The following ANKRD13C variants were observed in gnomAD, a reference collection of about 807,000 sequenced individuals.
ANKRD13C encodes ankyrin repeat domain-containing protein 13C.
In ANKRD13C, 16 loss-of-function variants were observed where a neutral mutation model predicts 65.5. The ratio of observed to expected loss-of-function variants is 0.24; its 90% CI spans 0.17 to 0.37. The LOEUF (loss-of-function observed/expected upper bound fraction) is 0.37, where lower values mean the gene tolerates loss of function less well. Ranked by LOEUF, ANKRD13C falls within the 10% of genes least tolerant of loss-of-function variation. ANKRD13C has a pLI of 1.00. For synonymous variants in ANKRD13C, 235 were observed against 238.7 expected, an observed-to-expected ratio of 0.98 and a Z score of 0.14; for missense variants, 503 against 655.9, an observed-to-expected ratio of 0.77 and a Z score of 2.55.
At position 70,293,036 on chromosome 1, in the gene ANKRD13C, C is replaced by A. The variant is rs1299786214; in HGVS notation, c.1054-487G>T. The stretch of plus-strand genomic sequence containing the variant: ...CTCTAGTACAACCAGAATTAATGAC[C>A]TGTTCACATTCTCTATTCTCTAACA... On this transcript the variant is annotated intron_variant, in intron 8 of 12. Coordinates refer to ENST00000370944, the MANE Select transcript of ANKRD13C (RefSeq NM_030816.5). 2.0e-5 allele frequency among the ~76,000 whole-genome samples: 3 copies of A among 152,128 alleles called. No homozygotes were observed. In the East Asian group the frequency reaches 5.8e-4, roughly 29 times the overall value.
intron 1 of ANKRD13C, among the ~76,000 whole-genome samples, chr1:70,352,372 C>T (rs1324826916): frequency 6.8e-6 from 1 of 146,420 alleles, no homozygotes; most frequent in Non-Finnish European, 1.5e-5. Flanking sequence ...AAGTTAATTT[C>T]AGTGGGCTAA....
intron 12 of ANKRD13C, among the ~76,000 whole-genome samples, chr1:70,268,709 G>C (rs529958510): frequency 1.3e-5 from 2 of 152,162 alleles, no homozygotes; most frequent in South Asian, 4.2e-4. Flanking sequence ...GAAAGTGGTG[G>C]GGGAGGATGA....
chr1:70,318,868 A>C (rs1268104272), intron 3 of ANKRD13C, among the ~76,000 whole-genome samples: 3 of 151,828 alleles, frequency 2.0e-5, no homozygotes, highest in African/African-American at 7.3e-5. Context: ...TTTTTAGTAG[A>C]AACAGGGTTT....
At position 70,354,692 on chromosome 1, in the gene ANKRD13C, A is replaced by C; in HGVS notation, c.-284T>G. On this transcript the variant is annotated 5_prime_UTR_variant, in exon 1 of 13. Transcript: ENST00000370944. ...AGCCGCCGTCGCTGCCTTACACCGA[A>C]AAACAGGGCACGGCCATCTTCCTCT... The C allele has an allele frequency of 1.3e-6, 1 of 763,452 alleles. No individual in the cohort carries two copies. The highest frequency in any genetic ancestry group is 2.0e-6 in the Non-Finnish European group (1 of 488,500). 47.3% of individuals were successfully genotyped at this position (763,452 alleles called of 1,614,324 possible).
At chr1:70,309,715 C>T (rs1417505145) in intron 5 of ANKRD13C, among the ~76,000 whole-genome samples, 1 of 138,866 alleles carries the variant, frequency 7.2e-6, no homozygotes, top group Non-Finnish European at 1.5e-5. Flanking sequence ...GACTCCGTCG[C>T]AAAAAAAAAA....
intron 9 of ANKRD13C, among the ~76,000 whole-genome samples, chr1:70,277,441 A>T (rs1679189471): frequency 6.6e-6 from 1 of 151,196 alleles, no homozygotes; most frequent in Non-Finnish European, 1.5e-5. Flanking sequence ...TGGGTGACAG[A>T]AGCAGACTCC....
intron 1 of ANKRD13C, among the ~76,000 whole-genome samples, chr1:70,342,279 C>A (rs368410244): frequency 6.6e-6 from 1 of 152,130 alleles, no homozygotes; most frequent in Admixed American, 6.6e-5. Flanking sequence ...GTGGCTCATG[C>A]ATGTAATCCC....
chr1:70,347,634 T>G (rs1682587377), intron 1 of ANKRD13C, among the ~76,000 whole-genome samples: 1 of 152,156 alleles, frequency 6.6e-6, no homozygotes, highest in African/African-American at 2.4e-5. Flanking sequence ...TCACAACATT[T>G]GTAAGCAGTG....
rs200788658 is a variant in ANKRD13C, at chr1:70,315,503, C to T, written c.641G>A (p.Arg214Gln). The stretch of plus-strand genomic sequence containing the variant: ...TACCTCTTTCAGGGCTTTTAATAAT[C>T]GAGGTCGTTTTTCTTCAACACTTTC... ...SRESVEEKRP[R>Q]LLKALKELGD... Residue 214 changes from arginine to glutamine, a missense_variant, in exon 4 of 13, where the codon CGA (arginine) becomes CAA (glutamine). This residue lies in a region of ANKRD13C where 300 missense variants were observed against 478.3 expected (regional missense o/e 0.63). Transcript: ENST00000370944. 8 of 1,604,510 alleles carry T rather than the reference C, an allele frequency of 5.0e-6. No individual in the cohort carries two copies. In the East Asian group the frequency reaches 9.0e-5, roughly 18 times the overall value.
chr1:70,351,689 C>T (rs1682750664), intron 1 of ANKRD13C, among the ~76,000 whole-genome samples: 1 of 152,082 alleles, frequency 6.6e-6, no homozygotes, highest in Non-Finnish European at 1.5e-5. Flanking sequence ...TGTGAGCCAC[C>T]GCACCTGGCC....
At chr1:70,297,286 G>GGTTTTTTGTTT in intron 7 of ANKRD13C, among the ~76,000 whole-genome samples, 1 of 125,116 alleles carries the variant, frequency 8.0e-6, no homozygotes, top group East Asian at 2.7e-4. Context: ...GTCCCTTTCT[G>GGTTTTTTGTTT]ATTTTTTTTT....
intron 6 of ANKRD13C, among the ~76,000 whole-genome samples, chr1:70,301,204 CACACACATATAT>C (rs1680340122): frequency 1.4e-5 from 2 of 146,734 alleles, no homozygotes; most frequent in African/African-American, 5.5e-5. Flanking sequence ...TACACATACA[CACACACATATAT>C]ATATACACAC....
chr1:70,281,396 CTTTTTTT>C (rs71583111), intron 9 of ANKRD13C, among the ~76,000 whole-genome samples: 2,423 of 85,418 alleles, frequency 0.028, 73 homozygotes, highest in African/African-American at 0.1. Context: ...TGACTAAATT[CTTTTTTT>C]TTTTTTTTTT....
chr1:70,316,948 A>G (rs1681098910), intron 3 of ANKRD13C, among the ~76,000 whole-genome samples: 1 of 152,130 alleles, frequency 6.6e-6, no homozygotes, highest in Admixed American at 6.5e-5. Flanking sequence ...AAAAATCAGT[A>G]AATTATTTTT....
intron 8 of ANKRD13C, among the ~76,000 whole-genome samples, chr1:70,295,141 T>C (rs1680025023): frequency 6.6e-6 from 1 of 152,170 alleles, no homozygotes; most frequent in Non-Finnish European, 1.5e-5. Context: ...TAATTTTTAA[T>C]AGAAGTCAAT....
At chr1:70,326,231 C>CAAAAAAAA (rs59618915) in intron 2 of ANKRD13C, among the ~76,000 whole-genome samples, 14 of 31,094 alleles carry the variant, frequency 4.5e-4, no homozygotes, top group South Asian at 1.7e-3. Flanking sequence ...AACTCTGTCT[C>CAAAAAAAA]AAAAAAAAAA....
intron 7 of ANKRD13C, among the ~76,000 whole-genome samples, chr1:70,297,418 T>C (rs1468482373): frequency 6.7e-6 from 1 of 149,164 alleles, no homozygotes. Flanking sequence ...CTCAGCCTCC[T>C]GAGTAGCTGG....
At chr1:70,315,003 C>T (rs568871601) in intron 4 of ANKRD13C, among the ~76,000 whole-genome samples, 80 of 152,270 alleles carry the variant, frequency 5.3e-4, no homozygotes, top group Middle Eastern at 3.4e-3. Context: ...CTCTAGGAGG[C>T]TGAGGCAGGC....
chr1:70,318,958 G>C (rs1463828563), intron 3 of ANKRD13C, among the ~76,000 whole-genome samples: 5 of 152,114 alleles, frequency 3.3e-5, no homozygotes, highest in African/African-American at 1.2e-4. Flanking sequence ...TGGGATTGCA[G>C]GCATGAGCCA....
Sources: gnomAD v4.1 joint callset for allele counts (sites outside exome capture counted in the v4.1 genomes callset) on GRCh38, gnomAD v4.1.1 for gene constraint, gnomAD v4.1.1 regional missense constraint, MANE v1.5 for transcripts, NCBI Gene and HGNC (gene_info 2026-07-23, HGNC 2026-07-21) for gene names.